The following PAPLN variants were observed in gnomAD, a reference collection of about 807,000 sequenced individuals.
The protein encoded by PAPLN is papilin, proteoglycan like sulfated glycoprotein.
In PAPLN, 146 loss-of-function variants were observed where a neutral mutation model predicts 159.0. That is an observed-to-expected ratio of 0.92 (90% CI 0.80 to 1.05). The LOEUF (loss-of-function observed/expected upper bound fraction) is 1.05. Among genes scored for constraint, PAPLN ranks in the 50% least tolerant of loss-of-function variants. The pLI is 0.00. For synonymous variants in PAPLN, 734 were observed against 702.9 expected (o/e 1.04, Z -0.70); for missense variants, 1,720 against 1,743.9 (o/e 0.99, Z 0.24).
At position 73,260,821 on chromosome 14, in the gene PAPLN, G is replaced by A; in HGVS notation, c.2098G>A (p.Ala700Thr). The change falls in exon 17 of 27, where the codon GCT becomes ACT. Residue 700 changes from alanine to threonine, a missense_variant. Physicochemically the swap from Ala to Thr is moderately conservative, Grantham distance 58. Coordinates refer to ENST00000644200, the MANE Select transcript of PAPLN (RefSeq NM_001365906.3). Reference protein sequence around the residue: ...TGGMPRSRAVASTVHNTHQPQ... With the variant: ...TGGMPRSRAVTSTVHNTHQPQ... ...GGGCATGCCCAGGTCAAGGGCAGTG[G>A]CTTCTACAGTAAGTGTCTGGCCTGG... is the stretch of plus-strand genomic sequence containing the variant. The A allele has an allele frequency of 6.7e-7, 1 of 1,498,112 alleles. No homozygotes were observed. Among genetic ancestry groups the A allele is most frequent in the Non-Finnish European group, 8.9e-7 (1 of 1,126,614 alleles). 92.8% of individuals were successfully genotyped at this position (1,498,112 alleles called of 1,614,324 possible).
At chr14:73,266,314 G>A (rs1351931751) in intron 23 of PAPLN, among the ~76,000 whole-genome samples, 187 bp from the exon 24 acceptor site, 1 of 152,204 alleles carries the variant, frequency 6.6e-6, no homozygotes, top group Admixed American at 6.5e-5. Context: ...GCCAGCAGCT[G>A]CAGGTGTAAA....
Position 73,253,978 on chromosome 14 carries a change from G to T in PAPLN, c.1302+17G>T, listed in dbSNP as rs2293795. The T allele has an allele frequency of 3.1e-5, 50 of 1,597,732 alleles. No individual in the cohort carries two copies. The highest frequency in any genetic ancestry group is 3.5e-4 in the Middle Eastern group (2 of 5,648). On this transcript the variant is annotated intron_variant, in intron 12 of 26. Coordinates refer to ENST00000644200, the MANE Select transcript of PAPLN (RefSeq NM_001365906.3). ...TGGGGAGAGGTCAGGCCCCTGGCCC[G>T]CATGGGGCTGGTGCTGGACCTGGGT...
intron 25 of PAPLN, among the ~76,000 whole-genome samples, 159 bp downstream of exon 25, chr14:73,266,990 G>A (rs867182855): frequency 1.3e-5 from 2 of 152,132 alleles, no homozygotes; most frequent in African/African-American, 2.4e-5. Flanking sequence ...CATCCCTACA[G>A]AGCAAAGCTC....
intron 26 of PAPLN, among the ~76,000 whole-genome samples, 197 bp downstream of exon 26, chr14:73,268,920 C>T (rs1411969145): frequency 2.0e-5 from 3 of 152,174 alleles, no homozygotes; most frequent in African/African-American, 2.4e-5. Context: ...GGCTGCTCCA[C>T]CACCTGAGAG....
At chr14:73,270,639 CAGTG>C (rs1312896703) in intron 26 of PAPLN, among the ~76,000 whole-genome samples, 2 of 152,312 alleles carry the variant, frequency 1.3e-5, no homozygotes, top group East Asian at 1.9e-4. Context: ...TGCAGATTCA[CAGTG>C]AGAGAACTGT....
Position 73,255,012 on chromosome 14 carries a change from C to G in PAPLN, c.1621C>G (p.Pro541Ala). The change falls in exon 14 of 27, where the codon CCC (proline) becomes GCC (alanine). Residue 541 changes from proline to alanine, a missense_variant. Transcript: ENST00000644200. ...TTGTAACACGCAGCCCTGTCATCTC[C>G]CCCAGGGTAAGGACAGGAGGGCAGG... The part of the protein sequence containing the change: ...EPCNTQPCHL[P>A]QEVPSMQDVH... The G allele has an allele frequency of 6.2e-7, 1 of 1,612,772 alleles. No homozygotes were observed. Among genetic ancestry groups the G allele is most frequent in the Non-Finnish European group, 8.5e-7 (1 of 1,179,624 alleles).
chr14:73,261,615 C>T (rs951811465), intron 18 of PAPLN, among the ~76,000 whole-genome samples: 4 of 152,196 alleles, frequency 2.6e-5, no homozygotes, highest in East Asian at 3.8e-4. Context: ...CAGTTAGTGC[C>T]GGGATGGGCA....
intron 11 of PAPLN, chr14:73,253,294 G>A: frequency 2.3e-6 from 3 of 1,307,912 alleles, no homozygotes; most frequent in Non-Finnish European, 3.0e-6. Flanking sequence ...CTTGGTGGCA[G>A]CGGGCCTCCT....
At chr14:73,239,564 C>A in intron 1 of PAPLN, 1 of 832,574 alleles carries the variant, frequency 1.2e-6, no homozygotes, top group Non-Finnish European at 1.7e-6. Flanking sequence ...TGCGGATGGG[C>A]CATTCCTTTC....
Position 73,268,615 on chromosome 14 carries a change from C to T in PAPLN, c.3559C>T (p.Leu1187=). 3 of 1,614,066 alleles carry T rather than the reference C, an allele frequency of 1.9e-6. No individual in the cohort carries two copies. The highest frequency in any genetic ancestry group is 1.7e-6 in the Non-Finnish European group (2 of 1,179,966). The change falls in exon 26 of 27, where the codon CTG becomes TTG. Residue 1187 remains leucine, a synonymous_variant. Coordinates refer to ENST00000644200, the MANE Select transcript of PAPLN (RefSeq NM_001365906.3). Reference sequence around the variant, plus strand: ...TGTCCACCAGTCCCCAGATGGCACGCTGCTCATTTACAACTTGCGGGCCAG... The same window carrying T: ...TGTCCACCAGTCCCCAGATGGCACGTTGCTCATTTACAACTTGCGGGCCAG... ...HRVHQSPDGT[L]LIYNLRARDE... is the part of the protein sequence containing the mutation.
chr14:73,254,971 C>T lies in PAPLN; in HGVS notation c.1580C>T (p.Pro527Leu), dbSNP rs1885734213. Residue 527 changes from proline (P) to leucine (L), a missense_variant, in exon 14 of 27, where the codon CCT (proline) becomes CTT (leucine). By Grantham distance (98) the Pro-to-Leu change is moderately conservative. Transcript: ENST00000644200. Reference protein sequence around the residue: ...SHCGSLQHSKPVDVEPCNTQP... With the variant: ...SHCGSLQHSKLVDVEPCNTQP... Reference sequence around the variant, plus strand: ...TGCGGGAGCCTGCAGCACTCCAAGCCTGTGGATGTGGAGCCTTGTAACACG... The same window carrying T: ...TGCGGGAGCCTGCAGCACTCCAAGCTTGTGGATGTGGAGCCTTGTAACACG... 5 of 1,613,802 alleles carry T rather than the reference C, an allele frequency of 3.1e-6. No individual in the cohort carries two copies. The East Asian group carries it at 1.1e-4, about 36-fold the overall frequency.
chr14:73,245,671 G>C lies in PAPLN; in HGVS notation c.206G>C (p.Arg69Pro). The stretch of plus-strand genomic sequence containing the variant: ...GGCTCCAGCTGCGTGGGCCCCGCCC[G>C]GAGCCACCGCTCTTGTCGCACGGAG... ...DGGSSCVGPA[R>P]SHRSCRTESC... Residue 69 changes from arginine to proline, a missense_variant, in exon 4 of 27, where the codon CGG becomes CCG. Arg to Pro is a moderately radical substitution (Grantham distance 103, BLOSUM62 -2). Transcript: ENST00000644200. The surrounding 1 kb of genome is among the most constrained non-coding windows in gnomAD (Gnocchi z 4.2). The C allele has an allele frequency of 2.6e-6, 4 of 1,556,124 alleles. No individual in the cohort carries two copies. Among genetic ancestry groups the C allele is most frequent in the Non-Finnish European group, 3.5e-6 (4 of 1,152,856 alleles).
chr14:73,254,776 T>A (rs1291006461), intron 13 of PAPLN, 81 bp downstream of exon 13: 13 of 1,590,334 alleles, frequency 8.2e-6, no homozygotes, highest in Non-Finnish European at 1.0e-5. Context: ...TCCTTGGACC[T>A]GACACGCGCC....
At chr14:73,243,638 T>A (rs1469362624) in intron 2 of PAPLN, 1 of 152,244 alleles carries the variant, frequency 6.6e-6, no homozygotes, top group South Asian at 2.1e-4. Flanking sequence ...TGTCGGGTTG[T>A]TGTGAGGATG....
upstream of PAPLN, among the ~76,000 whole-genome samples, chr14:73,237,169 T>C (rs1883084324): frequency 6.6e-6 from 1 of 151,662 alleles, no homozygotes; most frequent in South Asian, 2.1e-4. Flanking sequence ...GTGGAGAAGG[T>C]GGTGGCTGGA....
Position 73,264,533 on chromosome 14 carries a change from C to T in PAPLN, c.2987-55C>T, listed in dbSNP as rs1261797684. The T allele has an allele frequency of 3.8e-6, 6 of 1,558,892 alleles. No individual in the cohort carries two copies. The South Asian group carries it at 6.1e-5, about 16-fold the overall frequency. ...CTGCTGGTCTCATGGCCCGCCCTTC[C>T]TTCCACTCCCTTTTCCTCACAGCTC... On this transcript the variant is annotated intron_variant, in intron 21 of 26. Transcript: ENST00000644200.
intron 15 of PAPLN, 64 bp downstream of exon 15, chr14:73,259,123 A>C (rs1284992983): frequency 6.4e-7 from 1 of 1,554,656 alleles, no homozygotes; most frequent in South Asian, 1.2e-5. Context: ...TGGATGGTAC[A>C]TGGGGGTGTG....
Position 73,250,036 on chromosome 14 carries a change from C to T in PAPLN, c.387C>T (p.Tyr129=). 1 of 1,613,228 alleles carries T rather than the reference C, an allele frequency of 6.2e-7. No homozygotes were observed. Among genetic ancestry groups the T allele is most frequent in the Non-Finnish European group, 8.5e-7 (1 of 1,179,648 alleles). Residue 129 remains tyrosine, a synonymous_variant, in exon 6 of 27, where the codon TAC becomes TAT. Transcript: ENST00000644200. ...TTCCCAAGGGGGAGAACTTCTACTA[C>T]AAGCACAGGGAGGCTGTGGTTGATG... ...NCIPKGENFY[Y]KHREAVVDGT...
chr14:73,268,700 C>G lies in PAPLN; in HGVS notation c.3644C>G (p.Thr1215Ser), dbSNP rs533141478. The G allele has an allele frequency of 6.2e-7, 1 of 1,612,768 alleles. No individual in the cohort carries two copies. The highest frequency in any genetic ancestry group is 2.2e-5 in the East Asian group (1 of 44,766). Residue 1215 changes from threonine to serine, a missense_variant, in exon 26 of 27, where the codon ACC becomes AGC. Coordinates refer to ENST00000644200, the MANE Select transcript of PAPLN (RefSeq NM_001365906.3). ...YQGSQAVSRS[T>S]EVKVVSPAPT... Reference sequence around the variant, plus strand: ...GGGAGCCAGGCAGTCAGCCGCAGCACCGAGGTGAAGGTGGTCTCACCAGGT... The same window carrying G: ...GGGAGCCAGGCAGTCAGCCGCAGCAGCGAGGTGAAGGTGGTCTCACCAGGT...
Sources: gnomAD v4.1 joint callset for allele counts (sites outside exome capture counted in the v4.1 genomes callset) on GRCh38, gnomAD v4.1.1 for gene constraint, Gnocchi (gnomAD v3.1) non-coding constraint, MANE v1.5 for transcripts, NCBI Gene and HGNC (gene_info 2026-07-23, HGNC 2026-07-21) for gene names.